The following SLC9A9 variants were observed in gnomAD, a reference collection of about 807,000 sequenced individuals.
SLC9A9 encodes sodium/hydrogen exchanger 9.
Under a neutral mutation model 77.8 loss-of-function variants are expected in SLC9A9, and 62 were observed. The observed-to-expected ratio is 0.80, with a 90% CI of 0.65 to 0.98. The LOEUF is 0.98. SLC9A9 is among the 50% of genes least tolerant of loss of function. SLC9A9 has a pLI of 0.00. For missense variants in SLC9A9, 775 were observed against 774.9 expected (o/e 1.00, Z 0.00); for synonymous variants, 320 against 283.5 (o/e 1.13, Z -1.29).
chr3:143,350,126 T>C (rs950019352), intron 14 of SLC9A9, among the ~76,000 whole-genome samples: 3 of 152,210 alleles, frequency 2.0e-5, no homozygotes, highest in Non-Finnish European at 4.4e-5. Flanking sequence ...CTTCTAGTCA[T>C]GAGGGCTGGA....
chr3:143,466,313 T>A (rs771976828), intron 12 of SLC9A9, among the ~76,000 whole-genome samples: 2 of 152,236 alleles, frequency 1.3e-5, no homozygotes, highest in Non-Finnish European at 2.9e-5. Flanking sequence ...TTCTGGGATA[T>A]GAAAATGAGG....
At position 143,518,303 on chromosome 3, in the gene SLC9A9, C is replaced by T. The variant is rs138708069; in HGVS notation, c.1090-22855G>A. 4.1e-4 allele frequency: 389 copies of T among 946,298 alleles called. 2 individuals carry two copies. In the East Asian group the frequency reaches 6.7e-3, roughly 16 times the overall value. The allele number at this position is 946,298 out of a possible 1,614,324, so 58.6% of individuals were successfully genotyped here. The stretch of plus-strand genomic sequence containing the variant: ...CCCAGGCGCTGGCTCAGCGTGACCA[C>T]GCAGAAAGGGCTGTTTAACTACTTT... On this transcript the variant is annotated intron_variant, in intron 9 of 15. Coordinates refer to ENST00000316549, the MANE Select transcript of SLC9A9 (RefSeq NM_173653.4).
At chr3:143,663,420 C>T (rs866818361) in intron 5 of SLC9A9, among the ~76,000 whole-genome samples, 19 of 152,216 alleles carry the variant, frequency 1.2e-4, no homozygotes, top group South Asian at 2.1e-4. Flanking sequence ...TCCAAAGAAT[C>T]GCAGCTTCTC....
chr3:143,325,431 G>T (rs1251080629), intron 14 of SLC9A9, among the ~76,000 whole-genome samples: 4 of 152,066 alleles, frequency 2.6e-5, no homozygotes. Context: ...CTTACCCTTG[G>T]CCTCAGTTCA....
intron 14 of SLC9A9, among the ~76,000 whole-genome samples, chr3:143,274,084 TATAC>T (rs1937975166): frequency 6.6e-6 from 1 of 152,188 alleles, no homozygotes; most frequent in African/African-American, 2.4e-5. Flanking sequence ...TACTCAATGT[TATAC>T]TTGGGAGTGG....
At chr3:143,662,626 A>G (rs1560018771) in intron 5 of SLC9A9, among the ~76,000 whole-genome samples, 1 of 151,986 alleles carries the variant, frequency 6.6e-6, no homozygotes, top group Non-Finnish European at 1.5e-5. Context: ...CAAAGGTCTT[A>G]GCAAACGGTA....
chr3:143,593,519 A>T (rs758777657), intron 6 of SLC9A9, among the ~76,000 whole-genome samples: 29 of 152,334 alleles, frequency 1.9e-4, no homozygotes, highest in Middle Eastern at 3.4e-3. Context: ...GGAAAATCCA[A>T]TTAAAAAATA....
chr3:143,552,910 T>C (rs2036917654), intron 8 of SLC9A9, among the ~76,000 whole-genome samples: 1 of 152,146 alleles, frequency 6.6e-6, no homozygotes, highest in African/African-American at 2.4e-5. Flanking sequence ...TACCATAATT[T>C]AGTATTAAAA....
intron 6 of SLC9A9, among the ~76,000 whole-genome samples, chr3:143,602,760 C>A (rs1199623819): frequency 2.0e-5 from 3 of 152,160 alleles, no homozygotes; most frequent in Non-Finnish European, 4.4e-5. Flanking sequence ...ATAATGATAG[C>A]ACTTGACTTC....
chr3:143,802,516 G>A (rs890720333), intron 2 of SLC9A9, among the ~76,000 whole-genome samples: 2 of 152,186 alleles, frequency 1.3e-5, no homozygotes, highest in Non-Finnish European at 2.9e-5. Flanking sequence ...TTCACTGGAT[G>A]GGTAGAGGCC....
intron 14 of SLC9A9, among the ~76,000 whole-genome samples, chr3:143,309,698 G>T (rs1476842851): frequency 6.6e-6 from 1 of 152,128 alleles, no homozygotes; most frequent in Non-Finnish European, 1.5e-5. Context: ...TGGTCTTGTG[G>T]GGATATCTAG....
At chr3:143,762,169 C>T (rs1380197388) in intron 4 of SLC9A9, among the ~76,000 whole-genome samples, 2 of 152,124 alleles carry the variant, frequency 1.3e-5, no homozygotes, top group African/African-American at 4.8e-5. Context: ...GGAAGGGGAA[C>T]ATCACCCACT....
At chr3:143,800,070 A>C (rs1010479131) in intron 2 of SLC9A9, among the ~76,000 whole-genome samples, 1 of 152,132 alleles carries the variant, frequency 6.6e-6, no homozygotes. Context: ...TAACTAAATT[A>C]TCTGCTTCCC....
intron 6 of SLC9A9, among the ~76,000 whole-genome samples, chr3:143,580,118 C>A (rs1401850686): frequency 6.6e-6 from 1 of 152,104 alleles, no homozygotes; most frequent in African/African-American, 2.4e-5. Context: ...GAAAAGTAAA[C>A]CCACATCTGG....
At chr3:143,410,968 T>C (rs541628479) in intron 12 of SLC9A9, among the ~76,000 whole-genome samples, 1 of 152,228 alleles carries the variant, frequency 6.6e-6, no homozygotes, top group Non-Finnish European at 1.5e-5. Context: ...TTGTTGTTGA[T>C]GACTTACAAT....
intron 4 of SLC9A9, among the ~76,000 whole-genome samples, chr3:143,744,141 T>A (rs1284200867): frequency 2.0e-5 from 3 of 152,176 alleles, no homozygotes; most frequent in African/African-American, 7.2e-5. Flanking sequence ...CCTTGAACAG[T>A]CCAGAATTTT....
chr3:143,729,085 C>A (rs1489950010), intron 4 of SLC9A9, among the ~76,000 whole-genome samples: 1 of 152,180 alleles, frequency 6.6e-6, no homozygotes, highest in East Asian at 1.9e-4. Context: ...TCCACCCTCA[C>A]GCCTTATTCC....
intron 14 of SLC9A9, among the ~76,000 whole-genome samples, chr3:143,308,319 G>C (rs1338238569): frequency 6.6e-6 from 1 of 152,178 alleles, no homozygotes; most frequent in African/African-American, 2.4e-5. Context: ...GCTCACGCCT[G>C]TAATCCTAGC....
chr3:143,720,230 A>G (rs1934462061), intron 4 of SLC9A9, among the ~76,000 whole-genome samples: 1 of 151,088 alleles, frequency 6.6e-6, no homozygotes, highest in East Asian at 1.9e-4. Flanking sequence ...GTATGTGTCT[A>G]TATGTATTTT....
Sources: gnomAD v4.1 joint callset for allele counts (sites outside exome capture counted in the v4.1 genomes callset) on GRCh38, gnomAD v4.1.1 for gene constraint, MANE v1.5 for transcripts, NCBI Gene and HGNC (gene_info 2026-07-23, HGNC 2026-07-21) for gene names.